The following TRDN variants were observed in gnomAD, a reference collection of about 807,000 sequenced individuals.
TRDN encodes triadin, also known as triadin in skeletal muscle.
TRDN carries 161 observed loss-of-function variants against 149.7 expected under a neutral mutation model. The ratio of observed to expected loss-of-function variants is 1.08; its 90% CI spans 0.95 to 1.23. TRDN has a LOEUF of 1.23. TRDN is among the 50% of genes most tolerant of loss of function. The pLI, the probability that TRDN is intolerant of heterozygous loss-of-function variation, is 0.00. For synonymous variants in TRDN, 294 were observed against 250.5 expected (o/e 1.17, Z -1.64); for missense variants, 896 against 823.5 (o/e 1.09, Z -1.08).
chr6:123,500,686 C>A (rs1002774507), intron 8 of TRDN, among the ~76,000 whole-genome samples: 3 of 152,204 alleles, frequency 2.0e-5, no homozygotes, highest in Non-Finnish European at 2.9e-5. Context: ...TGATAGATGT[C>A]ATTCAAATGA....
intron 9 of TRDN, among the ~76,000 whole-genome samples, chr6:123,476,912 A>C (rs1472443097): frequency 6.6e-6 from 1 of 151,142 alleles, no homozygotes; most frequent in Non-Finnish European, 1.5e-5. Context: ...AATCAATTCA[A>C]GATGGATTAA....
chr6:123,515,836 A>T (rs1313854575), intron 6 of TRDN, among the ~76,000 whole-genome samples: 1 of 152,172 alleles, frequency 6.6e-6, no homozygotes, highest in Non-Finnish European at 1.5e-5. Context: ...TTTCTTACCT[A>T]TCAAACTGAC....
chr6:123,547,365 T>C lies in TRDN; in HGVS notation c.399A>G (p.Ile133Met). ...DGDEDTDKGE[I>M]DEPPLRKKEI... Reference sequence around the variant, plus strand: ...CTTTTTTTCTCAAGGGAGGCTCATCTATTTCTCCTAGACCAAGATTAAAAG... The same window carrying C: ...CTTTTTTTCTCAAGGGAGGCTCATCCATTTCTCCTAGACCAAGATTAAAAG... The change falls in exon 4 of 41, where the codon ATA becomes ATG. Residue 133 changes from isoleucine (I) to methionine (M), a missense_variant. By Grantham distance (10) the Ile-to-Met change is conservative. Transcript: ENST00000334268. The C allele has an allele frequency of 6.9e-7, 1 of 1,459,118 alleles. No individual in the cohort carries two copies. Among genetic ancestry groups the C allele is most frequent in the Admixed American group, 2.6e-5 (1 of 38,418 alleles). 90.4% of individuals were successfully genotyped at this position (1,459,118 alleles called of 1,614,324 possible).
At position 123,225,013 on chromosome 6, in the gene TRDN, T is replaced by C. The variant is rs946704397; in HGVS notation, c.1976-882A>G. On this transcript the variant is annotated intron_variant, in intron 38 of 40. Transcript: ENST00000334268. ...TTGCAAGCCATATATCCAAAGGAGGTTGATACCTAAAATATATAAGACATT... is the reference window on the plus strand; with the variant it reads ...TTGCAAGCCATATATCCAAAGGAGGCTGATACCTAAAATATATAAGACATT... Among the ~76,000 whole-genome samples the C allele has an allele frequency of 6.6e-5, 10 of 151,392 alleles. No individual in the cohort carries two copies. In the Admixed American group the frequency reaches 6.6e-4, roughly 10 times the overall value.
chr6:123,464,723 A>C (rs1340758696), intron 10 of TRDN, 183 bp downstream of exon 10: 2 of 1,389,348 alleles, frequency 1.4e-6, no homozygotes, highest in Non-Finnish European at 1.9e-6. Flanking sequence ...TCTTAAGGGG[A>C]CATTTTTGGT....
At chr6:123,381,978 T>C (rs1232337620) in intron 15 of TRDN, 140 bp downstream of exon 15, 1 of 564,650 alleles carries the variant, frequency 1.8e-6, no homozygotes, top group Non-Finnish European at 2.8e-6. Flanking sequence ...TCTCTCTCTC[T>C]CTCTCTCTCT....
At chr6:123,466,290 C>T (rs1017379110) in intron 9 of TRDN, among the ~76,000 whole-genome samples, 1 of 152,066 alleles carries the variant, frequency 6.6e-6, no homozygotes, top group Non-Finnish European at 1.5e-5. Context: ...TCTTTCTTTC[C>T]CTAGCTAACA....
At chr6:123,258,574 A>G (rs1272124361) in intron 35 of TRDN, among the ~76,000 whole-genome samples, 1 of 152,188 alleles carries the variant, frequency 6.6e-6, no homozygotes, top group Non-Finnish European at 1.5e-5. Context: ...GATATTCATC[A>G]GGAATATTGG....
At chr6:123,424,421 G>C (rs1368358702) in intron 12 of TRDN, among the ~76,000 whole-genome samples, 1 of 151,420 alleles carries the variant, frequency 6.6e-6, no homozygotes, top group Non-Finnish European at 1.5e-5. Context: ...TATGCATTAT[G>C]TTTTCATAGG....
intron 33 of TRDN, 100 bp downstream of exon 33, chr6:123,265,214 TAACA>T: frequency 1.1e-6 from 1 of 908,318 alleles, no homozygotes; most frequent in Non-Finnish European, 1.6e-6. Flanking sequence ...GCTATTACAT[TAACA>T]AACAGACCAT....
chr6:123,439,697 T>C (rs1321543507), intron 10 of TRDN: 2 of 152,236 alleles, frequency 1.3e-5, no homozygotes, highest in Non-Finnish European at 2.9e-5. Context: ...ACAGCCTTGG[T>C]CTGAGGGAGC....
chr6:123,301,391 A>G (rs1283196887), intron 24 of TRDN, among the ~76,000 whole-genome samples: 1 of 151,932 alleles, frequency 6.6e-6, no homozygotes, highest in Non-Finnish European at 1.5e-5. Context: ...AAGGTCATTG[A>G]TAAGTTGAAA....
intron 24 of TRDN, among the ~76,000 whole-genome samples, chr6:123,304,642 A>C (rs1382260274): frequency 6.6e-6 from 1 of 152,060 alleles, no homozygotes; most frequent in African/African-American, 2.4e-5. Flanking sequence ...GTGTTAACTT[A>C]TTTAGTTTAT....
intron 9 of TRDN, chr6:123,469,503 C>G (rs566306065): frequency 1.3e-5 from 2 of 152,316 alleles, no homozygotes; most frequent in African/African-American, 4.8e-5. Context: ...TGGGAATAAT[C>G]TGAAGAAGTT....
intron 1 of TRDN, among the ~76,000 whole-genome samples, chr6:123,575,799 A>T (rs1436226838): frequency 6.6e-6 from 1 of 152,094 alleles, no homozygotes; most frequent in Non-Finnish European, 1.5e-5. Flanking sequence ...GATAGAAGTC[A>T]CTTAACCTCA....
At chr6:123,586,411 G>T (rs1356845976) in intron 1 of TRDN, among the ~76,000 whole-genome samples, 1 of 152,082 alleles carries the variant, frequency 6.6e-6, no homozygotes, top group African/African-American at 2.4e-5. Context: ...TTGGGGTTGG[G>T]ACTGAGGGGA....
chr6:123,265,405 C>A, intron 32 of TRDN, 67 bp from the exon 33 acceptor site: 1 of 1,033,636 alleles, frequency 9.7e-7, no homozygotes, highest in Non-Finnish European at 1.3e-6. Context: ...GACATATCAG[C>A]CCTTTATATT....
intron 37 of TRDN, among the ~76,000 whole-genome samples, chr6:123,253,464 T>C (rs774127798): frequency 2.0e-5 from 3 of 152,154 alleles, no homozygotes; most frequent in Non-Finnish European, 2.9e-5. Context: ...GTTTTCAGTA[T>C]TGTTAGAGTA....
At chr6:123,501,322 A>G (rs1400572935) in intron 8 of TRDN, among the ~76,000 whole-genome samples, 5 of 151,338 alleles carry the variant, frequency 3.3e-5, no homozygotes, top group Non-Finnish European at 7.4e-5. Flanking sequence ...TTAGAAATCT[A>G]TATGAAAAGA....
Sources: gnomAD v4.1 joint callset for allele counts (sites outside exome capture counted in the v4.1 genomes callset) on GRCh38, gnomAD v4.1.1 for gene constraint, MANE v1.5 for transcripts, NCBI Gene and HGNC (gene_info 2026-07-23, HGNC 2026-07-21) for gene names.